LARGE1: variants seen among roughly 807,000 people sequenced by gnomAD.
LARGE1 encodes the protein LARGE xylosyl- and glucuronyltransferase 1.
LARGE1 carries 43 observed loss-of-function variants against 87.6 expected under a neutral mutation model. The ratio of observed to expected loss-of-function variants is 0.49; its 90% confidence interval spans 0.38 to 0.63. The LOEUF is 0.63. Among genes scored for constraint, LARGE1 ranks in the 30% least tolerant of loss-of-function variants. LARGE1 has a pLI of 0.00. For synonymous variants in LARGE1, 434 were observed against 394.6 expected (o/e 1.10, Z -1.18); for missense variants, 802 against 1,000.2 (o/e 0.80, Z 2.67).
At chr22:33,649,259 TTTGTTA>T (rs1569340817) in intron 3 of LARGE1, among the ~76,000 whole-genome samples, 1 of 152,164 alleles carries the variant, frequency 6.6e-6, no homozygotes, top group African/African-American at 2.4e-5. Context: ...GAGGAAGCCA[TTTGTTA>T]GTGACACTGG....
chr22:33,677,945 A>G (rs537490058), intron 2 of LARGE1, among the ~76,000 whole-genome samples: 12 of 152,362 alleles, frequency 7.9e-5, no homozygotes, highest in Non-Finnish European at 1.5e-4. Context: ...GACAAAGTCA[A>G]TTCTTGACAG....
chr22:33,434,529 G>C lies in LARGE1; in HGVS notation c.788-2264C>G, dbSNP rs5754548. ...TTGGCCAGGATGGTCTCGATCTCCT[G>C]ACCTTGTGATCCGCCTGCCTCGGCC... On this transcript the variant is annotated intron_variant, in intron 6 of 14. Coordinates refer to ENST00000397394, the MANE Select transcript of LARGE1 (RefSeq NM_133642.5). Among the ~76,000 whole-genome samples the C allele has an allele frequency of 7.9e-5, 12 of 152,272 alleles. No individual in the cohort carries two copies. The East Asian group carries it at 1.9e-3, about 25-fold the overall frequency.
intron 7 of LARGE1, among the ~76,000 whole-genome samples, chr22:33,391,924 CA>C (rs1420686958): frequency 6.6e-6 from 1 of 151,772 alleles, no homozygotes; most frequent in Non-Finnish European, 1.5e-5. Flanking sequence ...TGCCCACCAC[CA>C]CACCCAGCTA....
Position 33,176,906 on chromosome 22 carries a change from C to A in LARGE1, c.1731-10074G>T, listed in dbSNP as rs117654969. ...ACAATAGCAAAAACTTGGAACTAAC[C>A]CTAACGTCCATTAGTGATAGACTGG... On this transcript the variant is annotated intron_variant, in intron 11 of 11. Coordinates refer to the LARGE1 transcript ENST00000608642. 1.3e-4 allele frequency among the ~76,000 whole-genome samples: 20 copies of A among 152,154 alleles called. No individual in the cohort carries two copies. The East Asian group carries it at 3.9e-3, about 29-fold the overall frequency.
At chr22:33,187,359 CATT>C (rs1230961500) in intron 11 of LARGE1, among the ~76,000 whole-genome samples, 2 of 151,668 alleles carry the variant, frequency 1.3e-5, no homozygotes, top group Non-Finnish European at 2.9e-5. Context: ...ACTTGGAGAA[CATT>C]ATGTGAAGTG....
intron 3 of LARGE1, among the ~76,000 whole-genome samples, chr22:33,640,955 G>A (rs114062039): frequency 1.3e-4 from 20 of 152,312 alleles, no homozygotes; most frequent in Admixed American, 5.9e-4. Context: ...CCGTGAGACA[G>A]AGCACCTGGG....
chr22:33,566,241 T>C (rs1444992895), intron 5 of LARGE1, among the ~76,000 whole-genome samples: 1 of 152,204 alleles, frequency 6.6e-6, no homozygotes, highest in Non-Finnish European at 1.5e-5. Flanking sequence ...AATTCAAACA[T>C]GATACTCTTG....
At chr22:33,729,981 C>T (rs532626446) in intron 2 of LARGE1, among the ~76,000 whole-genome samples, 39 of 151,928 alleles carry the variant, frequency 2.6e-4, no homozygotes, top group African/African-American at 9.2e-4. Context: ...TGCGTGTGTG[C>T]ATGCGTGTGT....
rs79345703 is a variant in LARGE1, at chr22:33,226,029, C to A, written c.1731-59197G>T. Among the ~76,000 whole-genome samples, 1,132 of 152,320 alleles carry A rather than the reference C, an allele frequency of 7.4e-3. 2 individuals are homozygous for A. Among genetic ancestry groups the A allele is most frequent in the Middle Eastern group, 0.027 (8 of 294 alleles). On this transcript the variant is annotated intron_variant, in intron 11 of 11. Coordinates refer to the LARGE1 transcript ENST00000608642. The stretch of plus-strand genomic sequence containing the variant: ...TAGTGCTGCAATAAACATTTGCATG[C>A]ATGAGTCTTTATGGTAGAATTTACA...
intron 5 of LARGE1, among the ~76,000 whole-genome samples, chr22:33,570,911 G>A (rs974613629): frequency 6.6e-6 from 1 of 152,004 alleles, no homozygotes; most frequent in African/African-American, 2.4e-5. Flanking sequence ...GAGCACCCTC[G>A]AAGGCAGGCT....
At chr22:33,429,602 C>T (rs532075830) in intron 7 of LARGE1, among the ~76,000 whole-genome samples, 5 of 152,228 alleles carry the variant, frequency 3.3e-5, no homozygotes, top group African/African-American at 7.2e-5. Context: ...CGCAGGAAAC[C>T]GTGATCTTGA....
At chr22:33,725,960 C>CT (rs750131865) in intron 2 of LARGE1, among the ~76,000 whole-genome samples, 10 of 152,250 alleles carry the variant, frequency 6.6e-5, no homozygotes, top group Non-Finnish European at 1.0e-4. Context: ...AGAGATGCTG[C>CT]TGGTACATAG....
At chr22:33,155,522 C>A in the LARGE1 span, among the ~76,000 whole-genome samples, 2 of 152,108 alleles carry the variant, frequency 1.3e-5, no homozygotes, top group Admixed American at 6.5e-5. Context: ...GAGAGATGAT[C>A]TAGGGTTTCT....
At chr22:33,898,264 C>A (rs1281179192) in intron 1 of LARGE1, among the ~76,000 whole-genome samples, 1 of 152,066 alleles carries the variant, frequency 6.6e-6, no homozygotes, top group Non-Finnish European at 1.5e-5. Flanking sequence ...TTGGTGTGAG[C>A]CTACACGGTT....
chr22:33,098,390 C>T, the LARGE1 span, among the ~76,000 whole-genome samples: 9 of 152,072 alleles, frequency 5.9e-5, no homozygotes, highest in Non-Finnish European at 1.0e-4. Flanking sequence ...GAGGCTGAGG[C>T]GGGCAGATCA....
intron 6 of LARGE1, among the ~76,000 whole-genome samples, chr22:33,517,270 C>T (rs1442046139): frequency 6.6e-6 from 1 of 152,010 alleles, no homozygotes; most frequent in East Asian, 1.9e-4. Context: ...CCCTCAACCC[C>T]TCCACACCCC....
intron 6 of LARGE1, among the ~76,000 whole-genome samples, chr22:33,504,226 A>G (rs1360029331): frequency 6.6e-6 from 1 of 152,160 alleles, no homozygotes; most frequent in Non-Finnish European, 1.5e-5. Context: ...GAATATACTA[A>G]AATCCCATGA....
chr22:33,128,020 T>C, the LARGE1 span, among the ~76,000 whole-genome samples: 1 of 152,228 alleles, frequency 6.6e-6, no homozygotes. Context: ...CATATATTAG[T>C]ATGCTTGATG....
rs776472009 is a variant in LARGE1 at position 33,386,480 on chromosome 22, GC to G, written c.893-2177del. On this transcript the variant is annotated intron_variant, in intron 7 of 14. Transcript: ENST00000397394. The stretch of plus-strand genomic sequence containing the variant: ...CCTGCACAGCTCAGAAAACTGTTGC[GC>G]ACTCTTGTGGTAGGCTGGTAATGTT... Among the ~76,000 whole-genome samples the G allele has an allele frequency of 2.7e-5, 4 of 148,528 alleles. 1 individual carries two copies. The highest frequency in any genetic ancestry group is 6.0e-5 in the Non-Finnish European group (4 of 66,476).
Sources: allele counts gnomAD v4.1 joint callset (sites outside exome capture counted in the v4.1 genomes callset), GRCh38; gene constraint gnomAD v4.1.1; transcripts MANE v1.5; gene names NCBI Gene and HGNC (gene_info 2026-07-23, HGNC 2026-07-21).